XK: variants seen among roughly 807,000 people sequenced by gnomAD.
The protein encoded by XK is X-linked Kx blood group antigen, Kell and VPS13A binding protein.
In XK, 2 loss-of-function variants were observed where a neutral mutation model predicts 14.0. The ratio of observed to expected loss-of-function variants is 0.14; its 90% CI spans 0.06 to 0.45. The LOEUF is 0.45. XK is among the 20% of genes least tolerant of loss of function. The probability of loss-of-function intolerance (pLI) is 0.98; values close to 1 mark genes in which losing one functional copy is unlikely to be tolerated. For missense variants in XK, 235 were observed against 341.5 expected, an observed-to-expected ratio of 0.69 and a Z score of 2.46; for synonymous variants, 149 against 147.5, an observed-to-expected ratio of 1.01 and a Z score of -0.08.
intron 2 of XK, among the ~76,000 whole-genome samples, chrX:37,698,669 G>A (rs1288716240): frequency 9.1e-6 from 1 of 109,636 alleles, no homozygotes; most frequent in Admixed American, 9.8e-5. Flanking sequence ...TCTTGGGTAT[G>A]TTCTGTGTTT....
chrX:37,720,409 GC>G (rs1927847079), intron 2 of XK, among the ~76,000 whole-genome samples: 1 of 110,804 alleles, frequency 9.0e-6, no homozygotes, highest in Admixed American at 9.6e-5. Flanking sequence ...GCTTTTTGAT[GC>G]CTTTTTTAGG....
chrX:37,693,810 G>A (rs1288503400), intron 1 of XK, among the ~76,000 whole-genome samples: 1 of 111,697 alleles, frequency 9.0e-6, no homozygotes, highest in Non-Finnish European at 1.9e-5. Context: ...ACACACACAC[G>A]TGTGTGCGTG....
In XK at chrX:37,727,906, G is replaced by C. The variant is rs980775173; in HGVS notation, c.779G>C (p.Gly260Ala). ...LYPWILFWCS[G>A]SPFPENIEKA... is the part of the protein sequence containing the mutation. ...CCCTGGATCCTCTTCTGGTGCAGTG[G>C]TTCCCCATTCCCTGAGAACATAGAG... The change falls in exon 3 of 3, where the codon GGT becomes GCT. Residue 260 changes from glycine (G) to alanine (A), a missense_variant. Physicochemically the swap from Gly to Ala is moderately conservative, Grantham distance 60. Transcript: ENST00000378616. 8.3e-6 allele frequency: 10 copies of C among 1,208,936 alleles called. No homozygotes were observed. Among genetic ancestry groups the C allele is most frequent in the Non-Finnish European group, 1.1e-5 (10 of 894,945 alleles).
chrX:37,707,053 C>G (rs1207886754), intron 2 of XK, among the ~76,000 whole-genome samples: 27 of 112,688 alleles, frequency 2.4e-4, no homozygotes, highest in African/African-American at 8.7e-4. Flanking sequence ...ACACAGCAAC[C>G]ATCCGATTTC....
At chrX:37,699,523 TGGG>T (rs782642271) in intron 2 of XK, among the ~76,000 whole-genome samples, 2 of 111,414 alleles carry the variant, frequency 1.8e-5, no homozygotes, top group Non-Finnish European at 3.8e-5. Context: ...TATTACAGCA[TGGG>T]GGGGTGACAT....
At chrX:37,707,392 G>T (rs1307983910) in intron 2 of XK, among the ~76,000 whole-genome samples, 1 of 107,860 alleles carries the variant, frequency 9.3e-6, no homozygotes, top group Non-Finnish European at 1.9e-5. Context: ...GGGTGGAGGG[G>T]CTCCTCACTT....
Position 37,686,209 on chromosome X carries a change from G to A in XK, c.245+3G>A. ...CTGCAACTTGGGCCCCTTTTCAGGT[G>A]CGTGCAGAAGCCCAGAGCCAGCCCC... On this transcript the variant is annotated splice_donor_region_variant and intron_variant, in intron 1 of 2. Transcript: ENST00000378616. The A allele has an allele frequency of 8.3e-7, 1 of 1,206,119 alleles. No homozygotes were observed. The highest frequency in any genetic ancestry group is 1.1e-6 in the Non-Finnish European group (1 of 894,418).
At chrX:37,726,157 T>TA (rs1278008988) in intron 2 of XK, among the ~76,000 whole-genome samples, 3 of 111,116 alleles carry the variant, frequency 2.7e-5, no homozygotes, top group Non-Finnish European at 5.7e-5. Context: ...TCATCAGTTG[T>TA]AAAAAAATGT....
intron 2 of XK, among the ~76,000 whole-genome samples, chrX:37,726,794 C>T (rs1052893809): frequency 1.8e-5 from 2 of 112,073 alleles, no homozygotes; most frequent in Non-Finnish European, 3.8e-5. Flanking sequence ...GACAGATAGA[C>T]TCTCAGTAAC....
chrX:37,717,258 A>G (rs1407401328), intron 2 of XK, among the ~76,000 whole-genome samples: 3 of 111,484 alleles, frequency 2.7e-5, no homozygotes, highest in African/African-American at 9.8e-5. Flanking sequence ...AATTATATTT[A>G]TTTAGGCAGA....
chrX:37,701,813 A>T (rs1556443902), intron 2 of XK, among the ~76,000 whole-genome samples: 1 of 108,189 alleles, frequency 9.2e-6, no homozygotes, highest in African/African-American at 3.6e-5. Context: ...TGGCTGTGAG[A>T]GTGACATCCT....
chrX:37,688,047 CTTTCTTTCTTTCTT>C (rs1263994461), intron 1 of XK, among the ~76,000 whole-genome samples: 7 of 72,394 alleles, frequency 9.7e-5, no homozygotes, highest in African/African-American at 3.3e-4. Flanking sequence ...TTCTTTCTTT[CTTTCTTTCTTTCTT>C]TTTTTTTTTT....
chrX:37,691,976 G>A (rs782271307), intron 1 of XK, among the ~76,000 whole-genome samples: 83 of 111,200 alleles, frequency 7.5e-4, no homozygotes, highest in Non-Finnish European at 1.4e-3. Context: ...TGGTGAGAGA[G>A]TGAGACTGTC....
At chrX:37,706,844 C>A (rs1198386014) in intron 2 of XK, among the ~76,000 whole-genome samples, 1 of 109,409 alleles carries the variant, frequency 9.1e-6, no homozygotes, top group African/African-American at 3.3e-5. Flanking sequence ...TCTTAACGAG[C>A]ATGCTGCCTT....
At chrX:37,697,447 C>A (rs1019480194) in intron 2 of XK, among the ~76,000 whole-genome samples, 18 of 111,593 alleles carry the variant, frequency 1.6e-4, no homozygotes, top group Non-Finnish European at 7.5e-5. Flanking sequence ...TAAATGCAGT[C>A]CAGATGAATA....
chrX:37,728,555 C>A lies in XK; in HGVS notation c.*93C>A. 1.1e-6 allele frequency: 1 copy of A among 947,736 alleles called. No homozygotes were observed. The highest frequency in any genetic ancestry group is 1.5e-6 in the Non-Finnish European group (1 of 671,081). 78.1% of individuals were successfully genotyped at this position (947,736 alleles called of 1,213,427 possible). ...AATGAGCCCTACACAGGGAACAAGG[C>A]AGGAAGTTAGCTGTTAACTCCTTGT... On this transcript the variant is annotated 3_prime_UTR_variant, in exon 3 of 3. Coordinates refer to ENST00000378616, the MANE Select transcript of XK (RefSeq NM_021083.4).
chrX:37,701,005 C>T (rs1927404387), intron 2 of XK, among the ~76,000 whole-genome samples: 1 of 111,523 alleles, frequency 9.0e-6, no homozygotes, highest in Non-Finnish European at 1.9e-5. Context: ...GGACTTGAGA[C>T]AGGGATTAGT....
rs782289705 is a variant in XK, at chrX:37,686,247, C to A, written c.245+41C>A. The A allele has an allele frequency of 6.7e-6, 8 of 1,195,210 alleles. No homozygotes were observed. In the South Asian group the frequency reaches 1.3e-4, roughly 19 times the overall value. ...CAGAGCCAGCCCCAGGCCGCAGCCT[C>A]GGTCCTGTAGCCTGATCTCCCCACC... On this transcript the variant is annotated intron_variant, in intron 1 of 2. Coordinates refer to ENST00000378616, the MANE Select transcript of XK (RefSeq NM_021083.4).
chrX:37,709,689 C>T (rs1031882447), intron 2 of XK, among the ~76,000 whole-genome samples: 1 of 111,769 alleles, frequency 8.9e-6, no homozygotes, highest in African/African-American at 3.2e-5. Flanking sequence ...GTACAATTTC[C>T]GTATTTTAGG....
Sources: gnomAD v4.1 joint callset for allele counts (sites outside exome capture counted in the v4.1 genomes callset) on GRCh38, gnomAD v4.1.1 for gene constraint, MANE v1.5 for transcripts, NCBI Gene and HGNC (gene_info 2026-07-23, HGNC 2026-07-21) for gene names.